The following NIBAN1 variants were observed in gnomAD, a reference collection of about 807,000 sequenced individuals.
NIBAN1 encodes protein Niban 1.
Under a neutral mutation model 75.1 loss-of-function variants are expected in NIBAN1, and 81 were observed. The observed-to-expected ratio is 1.08, with a 90% CI of 0.90 to 1.30. The LOEUF is 1.30. Among genes scored for constraint, NIBAN1 ranks in the 50% most tolerant of loss-of-function variants. NIBAN1 has a pLI of 0.00. For synonymous variants in NIBAN1, 436 were observed against 424.8 expected (o/e 1.03, Z -0.32); for missense variants, 1,133 against 1,128.1 (o/e 1.00, Z -0.06).
chr1:184,811,502 T>TTTTTTTTTTG (rs1553215629), intron 9 of NIBAN1, among the ~76,000 whole-genome samples: 105 of 126,424 alleles, frequency 8.3e-4, no homozygotes, highest in African/African-American at 1.6e-3. Context: ...ACTTTCTTCC[T>TTTTTTTTTTG]TTTTTTTTTT....
At chr1:184,801,448 T>C (rs879232404) in intron 12 of NIBAN1, among the ~76,000 whole-genome samples, 1 of 152,196 alleles carries the variant, frequency 6.6e-6, no homozygotes, top group African/African-American at 2.4e-5. Flanking sequence ...CACTGCTCTG[T>C]GCCTCTGTCT....
chr1:184,921,512 C>T (rs977783551), intron 1 of NIBAN1, among the ~76,000 whole-genome samples: 3 of 152,106 alleles, frequency 2.0e-5, no homozygotes, highest in African/African-American at 7.2e-5. Context: ...ACAAATTTTT[C>T]CTTCCGTCTT....
At position 184,794,526 on chromosome 1, in the gene NIBAN1, G is replaced by C. The variant is rs554689854; in HGVS notation, c.*451C>G. 7.8e-6 allele frequency: 2 copies of C among 256,676 alleles called. No homozygotes were observed. The highest frequency in any genetic ancestry group is 1.1e-4 in the East Asian group (1 of 8,770). 15.9% of individuals were successfully genotyped at this position (256,676 alleles called of 1,614,324 possible). A position where few individuals can be genotyped will look rare whatever the true frequency, so the allele number is the denominator to read the frequency against. On this transcript the variant is annotated 3_prime_UTR_variant, in exon 14 of 14. Coordinates refer to ENST00000367511, the MANE Select transcript of NIBAN1 (RefSeq NM_052966.4). ...CTGTGGACAAATGCCGAGTCCTTAA[G>C]AGATGGTGAAGTAGGCATAGTAGAT...
chr1:184,930,997 C>CTTTTTTCTTT (rs1553229154), intron 1 of NIBAN1, among the ~76,000 whole-genome samples: 35 of 114,518 alleles, frequency 3.1e-4, no homozygotes, highest in South Asian at 1.2e-3. Flanking sequence ...TTTTCTTCTT[C>CTTTTTTCTTT]TTTTTTTTTT....
At chr1:184,866,682 G>A (rs112336334) in intron 5 of NIBAN1, among the ~76,000 whole-genome samples, 2 of 152,248 alleles carry the variant, frequency 1.3e-5, no homozygotes, top group African/African-American at 4.8e-5. Context: ...ACAGTACTGT[G>A]TTCATTTAAA....
intron 5 of NIBAN1, among the ~76,000 whole-genome samples, chr1:184,859,416 C>G (rs1655758247): frequency 1.3e-5 from 2 of 152,206 alleles, no homozygotes; most frequent in Non-Finnish European, 2.9e-5. Flanking sequence ...CTCCCTGTGT[C>G]CTTATCTACC....
chr1:184,907,227 A>G (rs1249270857), intron 1 of NIBAN1, among the ~76,000 whole-genome samples: 1 of 152,188 alleles, frequency 6.6e-6, no homozygotes, highest in African/African-American at 2.4e-5. Flanking sequence ...TTGCAAAAAA[A>G]AAAATCACGA....
At chr1:184,808,844 T>C (rs1395740790) in intron 9 of NIBAN1, among the ~76,000 whole-genome samples, 1 of 152,198 alleles carries the variant, frequency 6.6e-6, no homozygotes, top group Non-Finnish European at 1.5e-5. Context: ...CCTCCTACTC[T>C]AGTTTGCACT....
intron 3 of NIBAN1, among the ~76,000 whole-genome samples, chr1:184,893,691 G>C (rs1656728614): frequency 6.6e-6 from 1 of 152,132 alleles, no homozygotes; most frequent in East Asian, 1.9e-4. Flanking sequence ...ATGTCAGGAT[G>C]GTGGCTGAGA....
Position 184,826,475 on chromosome 1 carries a change from T to C in NIBAN1, c.718-2733A>G, listed in dbSNP as rs368806021. On this transcript the variant is annotated intron_variant, in intron 6 of 13. Coordinates refer to ENST00000367511, the MANE Select transcript of NIBAN1 (RefSeq NM_052966.4). ...TAATTAATAATCCACCAGCCCACCC[T>C]GCTCAATGGGATAAGTTCTTGTTTG... Among the ~76,000 whole-genome samples the C allele has an allele frequency of 2.6e-5, 4 of 152,358 alleles. No homozygotes were observed. In the East Asian group the frequency reaches 5.8e-4, roughly 22 times the overall value.
At chr1:184,887,309 A>G (rs866968946) in intron 4 of NIBAN1, among the ~76,000 whole-genome samples, 2 of 152,300 alleles carry the variant, frequency 1.3e-5, no homozygotes, top group Non-Finnish European at 2.9e-5. Context: ...AAACGAGCAA[A>G]TGAATGAATG....
chr1:184,804,371 A>G (rs1354088911), intron 11 of NIBAN1, among the ~76,000 whole-genome samples: 1 of 152,236 alleles, frequency 6.6e-6, no homozygotes, highest in African/African-American at 2.4e-5. Context: ...TTATAACTCT[A>G]TTCAAACAAC....
chr1:184,820,935 G>A (rs1654680957), intron 8 of NIBAN1, among the ~76,000 whole-genome samples: 1 of 152,148 alleles, frequency 6.6e-6, no homozygotes, highest in Admixed American at 6.5e-5. Flanking sequence ...TGTACCTGTT[G>A]GCATTATCGT....
rs928840831 is a variant in NIBAN1, at chr1:184,912,916, C to T, written c.56-13607G>A. Among the ~76,000 whole-genome samples the T allele has an allele frequency of 3.3e-5, 5 of 152,100 alleles. No individual in the cohort carries two copies. In the South Asian group the frequency reaches 1.0e-3, roughly 31 times the overall value. ...ATGCAACATGGGCTGGATTTTAGCT[C>T]TGCTTGCCCATTGGCCCCAGGCCTA... On this transcript the variant is annotated intron_variant, in intron 1 of 13. Coordinates refer to ENST00000367511, the MANE Select transcript of NIBAN1 (RefSeq NM_052966.4).
chr1:184,794,787 C>G lies in NIBAN1; in HGVS notation c.*190G>C. 4.2e-6 allele frequency: 3 copies of G among 716,598 alleles called. No homozygotes were observed. The highest frequency in any genetic ancestry group is 1.8e-5 in the South Asian group (1 of 56,898). The allele number at this position is 716,598 out of a possible 1,614,324, so 44.4% of individuals were successfully genotyped here. On this transcript the variant is annotated 3_prime_UTR_variant, in exon 14 of 14. Coordinates refer to ENST00000367511, the MANE Select transcript of NIBAN1 (RefSeq NM_052966.4). ...TTAAAATACTAAAGCAAAAATTCATCGTAGAACAATTCATGTCCACAAAGG... is the reference window on the plus strand; with the variant it reads ...TTAAAATACTAAAGCAAAAATTCATGGTAGAACAATTCATGTCCACAAAGG...
intron 1 of NIBAN1, among the ~76,000 whole-genome samples, chr1:184,950,505 G>A (rs767586313): frequency 6.6e-6 from 1 of 152,142 alleles, no homozygotes; most frequent in Non-Finnish European, 1.5e-5. Flanking sequence ...CATTATGCAC[G>A]CTTTCAGCAG....
chr1:184,913,141 A>ATATATATATATATTATATATATATATAT (rs958860239), intron 1 of NIBAN1, among the ~76,000 whole-genome samples: 2 of 148,238 alleles, frequency 1.3e-5, no homozygotes, highest in East Asian at 3.9e-4. Flanking sequence ...ATGCAGGTAT[A>ATATATATATATATTATATATATATATAT]TATATATATA....
At chr1:184,944,571 A>T (rs1256386044) in intron 1 of NIBAN1, among the ~76,000 whole-genome samples, 1 of 152,280 alleles carries the variant, frequency 6.6e-6, no homozygotes, top group Non-Finnish European at 1.5e-5. Context: ...GGGTTGGAGT[A>T]CATGTCATGA....
At position 184,803,635 on chromosome 1, in the gene NIBAN1, G is replaced by T. The variant is rs1202172632; in HGVS notation, c.1504C>A (p.Gln502Lys). 4 of 1,614,184 alleles carry T rather than the reference G, an allele frequency of 2.5e-6. No homozygotes were observed. The highest frequency in any genetic ancestry group is 3.4e-6 in the Non-Finnish European group (4 of 1,180,034). Residue 502 changes from glutamine to lysine, a missense_variant, in exon 12 of 14, where the codon CAA becomes AAA. Physicochemically the swap from Gln to Lys is moderately conservative, Grantham distance 53 (BLOSUM62 1). Transcript: ENST00000367511. ...TTCTGCACAGTGGGAAGTGTGATTT[G>T]AACTAGTGCCTCTTGAAATATCTTC... ...RKKIFQEALV[Q>K]ITLPTVQKAL...
Sources: allele counts gnomAD v4.1 joint callset (sites outside exome capture counted in the v4.1 genomes callset), GRCh38; gene constraint gnomAD v4.1.1; transcripts MANE v1.5; gene names NCBI Gene and HGNC (gene_info 2026-07-23, HGNC 2026-07-21).